The following ZBTB7C variants were observed in gnomAD, a reference collection of about 807,000 sequenced individuals.
ZBTB7C encodes zinc finger and BTB domain containing 7C, also known as zinc finger and BTB domain-containing protein 7C.
Under a neutral mutation model 25.7 loss-of-function variants are expected in ZBTB7C, and 8 were observed. The observed-to-expected ratio is 0.31, with a 90% CI of 0.18 to 0.56. The LOEUF (loss-of-function observed/expected upper bound fraction) is 0.56, where lower values mean the gene tolerates loss of function less well. Ranked by LOEUF, ZBTB7C falls within the 20% of genes least tolerant of loss-of-function variation. The pLI is 0.91. For missense variants in ZBTB7C, 824 were observed against 855.2 expected, an observed-to-expected ratio of 0.96 and a Z score of 0.46; for synonymous variants, 394 against 369.0, an observed-to-expected ratio of 1.07 and a Z score of -0.78.
At chr18:48,102,436 A>C (rs941047611) in intron 3 of ZBTB7C, among the ~76,000 whole-genome samples, 2 of 152,064 alleles carry the variant, frequency 1.3e-5, no homozygotes, top group Non-Finnish European at 2.9e-5. Context: ...ATGGTAGTGC[A>C]CACCTGTAGT....
intron 2 of ZBTB7C, among the ~76,000 whole-genome samples, chr18:48,255,460 A>ATTTTGGTT (rs2043993641): frequency 6.6e-6 from 1 of 152,224 alleles, no homozygotes; most frequent in Non-Finnish European, 1.5e-5. Context: ...CCAAACCAAA[A>ATTTTGGTT]TGGAGTGTAA....
chr18:48,325,099 G>C (rs2144875966), intron 2 of ZBTB7C, among the ~76,000 whole-genome samples: 1 of 152,280 alleles, frequency 6.6e-6, no homozygotes, highest in East Asian at 1.9e-4. Flanking sequence ...GGGATTGAAT[G>C]ACTGATTGGT....
At chr18:48,396,490 G>A (rs1451069457) in intron 1 of ZBTB7C, among the ~76,000 whole-genome samples, 1 of 152,222 alleles carries the variant, frequency 6.6e-6, no homozygotes, top group African/African-American at 2.4e-5. Context: ...GTTCCCAAGG[G>A]CTAAAGACAG....
intron 2 of ZBTB7C, among the ~76,000 whole-genome samples, chr18:48,237,299 G>A (rs1218701065): frequency 3.3e-5 from 5 of 152,048 alleles, no homozygotes; most frequent in Non-Finnish European, 7.4e-5. Flanking sequence ...TACAAGTAAG[G>A]GCCCCATCAA....
At chr18:48,060,539 A>G (rs904659197) in intron 3 of ZBTB7C, among the ~76,000 whole-genome samples, 1 of 152,044 alleles carries the variant, frequency 6.6e-6, no homozygotes, top group African/African-American at 2.4e-5. Context: ...AGATGTCACC[A>G]GTGTGCCCAA....
chr18:48,245,092 G>GTGTGTATATATATATATATATATA (rs1555723392), intron 2 of ZBTB7C, among the ~76,000 whole-genome samples: 1 of 126,294 alleles, frequency 7.9e-6, no homozygotes, highest in African/African-American at 3.2e-5. Context: ...GTGTGTGTGT[G>GTGTGTATATATATATATATATATA]TATATATATA....
intron 3 of ZBTB7C, among the ~76,000 whole-genome samples, chr18:48,158,378 C>T (rs561931960): frequency 1.3e-5 from 2 of 152,138 alleles, no homozygotes; most frequent in Non-Finnish European, 2.9e-5. Context: ...GCCACCGACA[C>T]ACACACAGGA....
intron 2 of ZBTB7C, among the ~76,000 whole-genome samples, chr18:48,229,501 C>T (rs1308858055): frequency 6.6e-6 from 1 of 152,124 alleles, no homozygotes; most frequent in African/African-American, 2.4e-5. Context: ...TCCTTTAATA[C>T]TAATAAAATG....
rs777314842 is a variant in ZBTB7C, at chr18:48,040,277, A to G, written c.831T>C (p.Ser277=). 3.5e-5 allele frequency: 55 copies of G among 1,561,894 alleles called. No homozygotes were observed. The highest frequency in any genetic ancestry group is 4.5e-5 in the Non-Finnish European group (52 of 1,156,196). ...TCTTGATGACCAGATCCAGTGGCCC[A>G]CTGTCCATGGGCTGCTCAGGCAGCT... ...FAQLPEQPMD[S]GPLDLVIKNR... The change falls in exon 4 of 5, where the codon AGT becomes AGC. Residue 277 remains serine (S), a synonymous_variant. Coordinates refer to ENST00000590800, the MANE Select transcript of ZBTB7C (RefSeq NM_001318841.2).
intron 2 of ZBTB7C, among the ~76,000 whole-genome samples, chr18:48,270,253 C>CTT (rs760096959): frequency 0.061 from 6,063 of 98,678 alleles, 234 homozygotes; most frequent in Non-Finnish European, 0.082. Context: ...TTCTCTCTTT[C>CTT]TTTTTTTTTT....
At chr18:48,248,549 C>T (rs180956909) in intron 2 of ZBTB7C, among the ~76,000 whole-genome samples, 38 of 152,262 alleles carry the variant, frequency 2.5e-4, no homozygotes, top group Admixed American at 7.8e-4. Context: ...TGTCCTCTGA[C>T]TATGCTTTAT....
In ZBTB7C at chr18:48,279,199, A is replaced by G. The variant is rs146946232; in HGVS notation, c.-79+58975T>C. Among the ~76,000 whole-genome samples, 666 of 152,186 alleles carry G rather than the reference A, an allele frequency of 4.4e-3. 3 individuals are homozygous for G. Among genetic ancestry groups the G allele is most frequent in the Non-Finnish European group, 4.7e-3 (321 of 67,992 alleles). ...CACAGACCCCTGACTGTTCTGTGAG[A>G]AAACTGCTCCTGCTCCACCATTAAA... On this transcript the variant is annotated intron_variant, in intron 2 of 4. Transcript: ENST00000590800.
intron 1 of ZBTB7C, among the ~76,000 whole-genome samples, chr18:48,338,914 G>A (rs1028025323): frequency 7.9e-5 from 12 of 151,098 alleles, no homozygotes; most frequent in Admixed American, 1.3e-4. Flanking sequence ...AGTTTGTTGG[G>A]GGGGGGGGGT....
In ZBTB7C at chr18:48,167,597, T is replaced by TGTGTGTGTGCGC. The variant is rs779870966; in HGVS notation, c.-17+18336_-17+18337insGCGCACACACAC. On this transcript the variant is annotated intron_variant, in intron 3 of 4. Coordinates refer to ENST00000590800, the MANE Select transcript of ZBTB7C (RefSeq NM_001318841.2). ...GTGTGTGTGTGTGTGTGTGTGTGTG[T>TGTGTGTGTGCGC]GCGCGCGTGCACACGCGCATGCGCC... Among the ~76,000 whole-genome samples the TGTGTGTGTGCGC allele has an allele frequency of 3.1e-3, 463 of 148,124 alleles. 4 individuals carry two copies. The highest frequency in any genetic ancestry group is 0.011 in the African/African-American group (446 of 40,520).
chr18:48,119,965 G>C (rs745963133), intron 3 of ZBTB7C, among the ~76,000 whole-genome samples: 2 of 152,142 alleles, frequency 1.3e-5, no homozygotes, highest in Non-Finnish European at 2.9e-5. Context: ...AGACTGAAGA[G>C]GGTCCCTTAG....
intron 1 of ZBTB7C, among the ~76,000 whole-genome samples, chr18:48,404,078 C>A (rs28439422): frequency 0.018 from 2,779 of 152,270 alleles, 75 homozygotes; most frequent in African/African-American, 0.061. Flanking sequence ...CATGGTAAAA[C>A]CCCGTCTCTA....
chr18:48,336,572 G>A (rs1177731466), intron 2 of ZBTB7C, among the ~76,000 whole-genome samples: 4 of 152,132 alleles, frequency 2.6e-5, no homozygotes, highest in South Asian at 2.1e-4. Flanking sequence ...CTGCATTTCC[G>A]GCAGTGAGCA....
At chr18:48,372,792 T>C (rs1438534606) in intron 1 of ZBTB7C, among the ~76,000 whole-genome samples, 1 of 152,176 alleles carries the variant, frequency 6.6e-6, no homozygotes, top group African/African-American at 2.4e-5. Context: ...ATGCAGGTCC[T>C]GGAGGCACCA....
intron 2 of ZBTB7C, among the ~76,000 whole-genome samples, chr18:48,319,110 C>T (rs1307419658): frequency 1.3e-5 from 1 of 79,704 alleles, no homozygotes; most frequent in Admixed American, 1.3e-4. Context: ...GCCAGAATGC[C>T]TCTGTGTGTG....
Sources: gnomAD v4.1 joint callset for allele counts (sites outside exome capture counted in the v4.1 genomes callset) on GRCh38, gnomAD v4.1.1 for gene constraint, MANE v1.5 for transcripts, NCBI Gene and HGNC (gene_info 2026-07-23, HGNC 2026-07-21) for gene names.